Variants in RGS7BP observed in about 807,000 individuals in gnomAD.
The protein encoded by RGS7BP is regulator of G protein signaling 7-binding protein.
RGS7BP carries 9 observed loss-of-function variants against 31.3 expected under a neutral mutation model. The ratio of observed to expected loss-of-function variants is 0.29; its 90% CI spans 0.17 to 0.50. RGS7BP has a LOEUF of 0.50. Among genes scored for constraint, RGS7BP ranks in the 20% least tolerant of loss-of-function variants. RGS7BP has a pLI of 0.98. For missense variants in RGS7BP, 274 were observed against 322.0 expected (o/e 0.85, Z 1.14); for synonymous variants, 115 against 120.1 (o/e 0.96, Z 0.28).
chr5:64,538,546 C>CTTTTTTTT (rs1191560944), intron 2 of RGS7BP, among the ~76,000 whole-genome samples: 25 of 40,028 alleles, frequency 6.2e-4, no homozygotes, highest in East Asian at 1.1e-3. Context: ...TTTTCCTTTT[C>CTTTTTTTT]TTTTTTTTTT....
intron 2 of RGS7BP, among the ~76,000 whole-genome samples, chr5:64,555,774 T>C (rs1741909209): frequency 6.6e-6 from 1 of 152,122 alleles, no homozygotes; most frequent in South Asian, 2.1e-4. Context: ...TAACAAAATG[T>C]CAAAATTTAA....
At chr5:64,606,279 C>T (rs1743363337) in intron 5 of RGS7BP, among the ~76,000 whole-genome samples, 1 of 150,226 alleles carries the variant, frequency 6.7e-6, no homozygotes, top group South Asian at 2.1e-4. Context: ...ACACATTTTC[C>T]TTTGTAAATA....
chr5:64,511,311 T>A (rs1023071157), intron 2 of RGS7BP, among the ~76,000 whole-genome samples: 1 of 152,198 alleles, frequency 6.6e-6, no homozygotes, highest in Non-Finnish European at 1.5e-5. Context: ...TTCAAAGGCA[T>A]CAGATATCTG....
At position 64,609,829 on chromosome 5, in the gene RGS7BP, A is replaced by G. The variant is rs1455677620; in HGVS notation, c.*577A>G. On this transcript the variant is annotated 3_prime_UTR_variant, in exon 6 of 6. Transcript: ENST00000334025. ...CATTCTGTCAGAATCTAAGAGCTTC[A>G]ACATAAAAGTATCTTAATTTATAAA... The G allele has an allele frequency of 1.3e-5, 2 of 152,530 alleles. No homozygotes were observed. The highest frequency in any genetic ancestry group is 4.8e-5 in the African/African-American group (2 of 41,438). 9.4% of individuals were successfully genotyped at this position (152,530 alleles called of 1,614,324 possible).
intron 2 of RGS7BP, among the ~76,000 whole-genome samples, chr5:64,530,851 G>A (rs1749353139): frequency 6.6e-6 from 1 of 151,904 alleles, no homozygotes; most frequent in Non-Finnish European, 1.5e-5. Context: ...ATAATGCAAA[G>A]GGAACCATTA....
intron 5 of RGS7BP, among the ~76,000 whole-genome samples, chr5:64,600,155 T>A (rs561190176): frequency 1.3e-5 from 2 of 152,292 alleles, no homozygotes; most frequent in African/African-American, 4.8e-5. Flanking sequence ...CAGCTCATGT[T>A]TGAAGCTGTC....
intron 2 of RGS7BP, among the ~76,000 whole-genome samples, chr5:64,533,603 A>G (rs908315150): frequency 2.6e-5 from 4 of 152,242 alleles, no homozygotes; most frequent in Non-Finnish European, 5.9e-5. Context: ...AGAAAGTGGC[A>G]GGATGAGGAA....
chr5:64,598,387 C>A lies in RGS7BP; in HGVS notation c.634C>A (p.Leu212Ile). Reference sequence around the variant, plus strand: ...CAGAGACATGAGAGAAATGAAAAACCTTTTAAGCAAACTCAGGGAAACTAT... The same window carrying A: ...CAGAGACATGAGAGAAATGAAAAACATTTTAAGCAAACTCAGGGAAACTAT... The part of the protein sequence containing the change: ...TERDMREMKN[L>I]LSKLRETMPL... Residue 212 changes from leucine to isoleucine, a missense_variant, in exon 5 of 6, where the codon CTT becomes ATT. Physicochemically the swap from Leu to Ile is conservative, Grantham distance 5. This residue lies in a region of RGS7BP where 112 missense variants were observed against 130.9 expected (regional missense o/e 0.86). Coordinates refer to ENST00000334025, the MANE Select transcript of RGS7BP (RefSeq NM_001029875.3). 1 of 1,601,626 alleles carries A rather than the reference C, an allele frequency of 6.2e-7. No homozygotes were observed. The highest frequency in any genetic ancestry group is 8.6e-7 in the Non-Finnish European group (1 of 1,168,834).
In RGS7BP at chr5:64,562,159, T is replaced by A. The variant is rs569435627; in HGVS notation, c.333-13615T>A. On this transcript the variant is annotated intron_variant, in intron 2 of 5. Coordinates refer to ENST00000334025, the MANE Select transcript of RGS7BP (RefSeq NM_001029875.3). ...CATAGGATAATAATGGGAGTCTTCA[T>A]GAACTCTTAGGAAAGGACTCCAGAA... Among the ~76,000 whole-genome samples the A allele has an allele frequency of 2.6e-5, 4 of 152,302 alleles. No homozygotes were observed. In the South Asian group the frequency reaches 8.3e-4, roughly 32 times the overall value.
intron 2 of RGS7BP, among the ~76,000 whole-genome samples, chr5:64,520,685 C>T (rs1425560389): frequency 6.6e-6 from 1 of 152,188 alleles, no homozygotes; most frequent in Non-Finnish European, 1.5e-5. Flanking sequence ...TTTCAAGAAT[C>T]GACCTACTTT....
rs79850588 is a variant in RGS7BP at position 64,587,419 on chromosome 5, G to A, written c.464-7291G>A. 5.0e-3 allele frequency among the ~76,000 whole-genome samples: 756 copies of A among 152,252 alleles called. 7 individuals carry two copies. The highest frequency in any genetic ancestry group is 0.018 in the African/African-American group (731 of 41,552). On this transcript the variant is annotated intron_variant, in intron 3 of 5. Coordinates refer to ENST00000334025, the MANE Select transcript of RGS7BP (RefSeq NM_001029875.3). ...GAAATTCAAGCAGGAGAAATTTTCT[G>A]TGAAAATGAGGTCAATTCCAGAGAT...
chr5:64,539,689 A>G (rs1308857207), intron 2 of RGS7BP: 1 of 152,214 alleles, frequency 6.6e-6, no homozygotes, highest in African/African-American at 2.4e-5. Flanking sequence ...GAAACAGCCT[A>G]GGTTGTAAAT....
intron 2 of RGS7BP, among the ~76,000 whole-genome samples, chr5:64,520,104 T>C (rs959198042): frequency 7.9e-5 from 12 of 152,204 alleles, no homozygotes; most frequent in African/African-American, 2.9e-4. Context: ...CTCCATTTTA[T>C]AGTGAACTGA....
rs889248 is a variant in RGS7BP at position 64,609,241 on chromosome 5, A to G, written c.763A>G (p.Ile255Val). 1,350,825 of 1,599,886 alleles carry G rather than the reference A, an allele frequency of 0.84. 573,112 individuals are homozygous for G. The highest frequency in any genetic ancestry group is 0.9 in the Middle Eastern group (5,425 of 6,026). Residue 255 changes from isoleucine (I) to valine (V), a missense_variant, in exon 6 of 6, where the codon ATC (isoleucine) becomes GTC (valine). Ile to Val is a conservative substitution (Grantham distance 29, BLOSUM62 3). Coordinates refer to ENST00000334025, the MANE Select transcript of RGS7BP (RefSeq NM_001029875.3). ...AAGGTTCTTTGGGCTGTGTTGTCTC[A>G]TCTCAAGCTAGGTGGCTCCTCCTGG... Reference protein sequence around the residue: ...KRRFFGLCCLISS With the variant: ...KRRFFGLCCLVSS
intron 3 of RGS7BP, among the ~76,000 whole-genome samples, chr5:64,585,487 G>A (rs570551384): frequency 2.0e-5 from 3 of 151,730 alleles, no homozygotes; most frequent in Non-Finnish European, 4.4e-5. Flanking sequence ...GGAGGAGAAA[G>A]GATGGGAGAA....
At chr5:64,572,140 C>A (rs1189354762) in intron 2 of RGS7BP, among the ~76,000 whole-genome samples, 1 of 152,196 alleles carries the variant, frequency 6.6e-6, no homozygotes, top group African/African-American at 2.4e-5. Flanking sequence ...ACTTCCAATT[C>A]CTGTAGGAAT....
At chr5:64,542,277 C>G (rs965583068) in intron 2 of RGS7BP, among the ~76,000 whole-genome samples, 4 of 152,192 alleles carry the variant, frequency 2.6e-5, no homozygotes, top group Admixed American at 2.6e-4. Flanking sequence ...AGATGCAGCT[C>G]CCCAGAACTT....
chr5:64,570,102 T>C (rs1428526526), intron 2 of RGS7BP, among the ~76,000 whole-genome samples: 1 of 152,162 alleles, frequency 6.6e-6, no homozygotes, highest in East Asian at 1.9e-4. Context: ...CCTAATGGCA[T>C]ATTTATTTAA....
chr5:64,586,803 T>C (rs1742766689), intron 3 of RGS7BP, among the ~76,000 whole-genome samples: 1 of 152,216 alleles, frequency 6.6e-6, no homozygotes, highest in Non-Finnish European at 1.5e-5. Context: ...GAGAGTATAA[T>C]TAGAGGAAAA....
Sources: gnomAD v4.1 joint callset for allele counts (sites outside exome capture counted in the v4.1 genomes callset) on GRCh38, gnomAD v4.1.1 for gene constraint, gnomAD v4.1.1 regional missense constraint, MANE v1.5 for transcripts, NCBI Gene and HGNC (gene_info 2026-07-23, HGNC 2026-07-21) for gene names.